Variants in JCAD observed in about 807,000 individuals in gnomAD.
JCAD encodes junctional cadherin 5-associated protein.
A neutral mutation model predicts 98.0 loss-of-function variants in JCAD; 40 were observed. The observed-to-expected ratio is 0.41, with a 90% CI of 0.32 to 0.53. The LOEUF (loss-of-function observed/expected upper bound fraction) is 0.53. Among genes scored for constraint, JCAD ranks in the 20% least tolerant of loss-of-function variants. JCAD has a pLI of 0.31. For synonymous variants in JCAD, 691 were observed against 682.3 expected, an observed-to-expected ratio of 1.01 and a Z score of -0.20; for missense variants, 1,705 against 1,738.1, an observed-to-expected ratio of 0.98 and a Z score of 0.34.
chr10:30,075,348 G>A (rs556174617), intron 1 of JCAD, among the ~76,000 whole-genome samples: 1 of 152,238 alleles, frequency 6.6e-6, no homozygotes, highest in South Asian at 2.1e-4. Context: ...CTTCCAACAT[G>A]CGTTTAGTTG....
Position 30,021,752 on chromosome 10 carries a change from A to G in JCAD, c.4046-3835T>C, listed in dbSNP as rs1355251927. 2.0e-5 allele frequency among the ~76,000 whole-genome samples: 3 copies of G among 152,194 alleles called. No homozygotes were observed. In the East Asian group the frequency reaches 5.8e-4, roughly 29 times the overall value. The stretch of plus-strand genomic sequence containing the variant: ...GTAGCTGTATGTGATGAGCGGCTAC[A>G]ATATTGGACAGCACAGGTCTAGAGG... On this transcript the variant is annotated intron_variant, in intron 3 of 3. Coordinates refer to ENST00000375377, the MANE Select transcript of JCAD (RefSeq NM_020848.4).
intron 2 of JCAD, among the ~76,000 whole-genome samples, chr10:30,034,962 C>T (rs899833210): frequency 2.6e-5 from 4 of 152,144 alleles, no homozygotes; most frequent in East Asian, 1.9e-4. Flanking sequence ...TATGAAGCAC[C>T]GTTCTCATTC....
Position 30,014,778 on chromosome 10 carries a change from C to CG in JCAD, c.*3104dup, listed in dbSNP as rs1836500904. The stretch of plus-strand genomic sequence containing the variant: ...TTAAAACGTAAACTTCCATTAACAA[C>CG]GGCCCTTCACCAACAGTAAAATGGG... On this transcript the variant is annotated 3_prime_UTR_variant, in exon 4 of 4. Coordinates refer to ENST00000375377, the MANE Select transcript of JCAD (RefSeq NM_020848.4). 1 of 152,088 alleles carries CG rather than the reference C, an allele frequency of 6.6e-6. No individual in the cohort carries two copies. Among genetic ancestry groups the CG allele is most frequent in the South Asian group, 2.1e-4 (1 of 4,828 alleles). The allele number at this position is 152,088 out of a possible 1,614,324, so 9.4% of individuals were successfully genotyped here. A position where few individuals can be genotyped will look rare whatever the true frequency, so the allele number is the denominator to read the frequency against.
intron 1 of JCAD, among the ~76,000 whole-genome samples, chr10:30,080,931 T>C (rs2505127): frequency 0.9 from 136,654 of 152,252 alleles, 61,751 homozygotes; most frequent in African/African-American, 0.98. Context: ...GAAGCCTCTT[T>C]CATGACTTGT....
At position 30,104,964 on chromosome 10, in the gene JCAD, C is replaced by T. The variant is rs368191889; in HGVS notation, n.128+10403G>A. ...TTGAATGTGCTAAGAGCTTTGCATA[C>T]ATTAGCTCACTTAATTGTCACAACA... On this transcript the variant is annotated intron_variant and non_coding_transcript_variant, in intron 1 of 2. Transcript: ENST00000465712. Among the ~76,000 whole-genome samples, 127 of 152,272 alleles carry T rather than the reference C, an allele frequency of 8.3e-4. 2 individuals carry two copies. Among genetic ancestry groups the T allele is most frequent in the African/African-American group, 2.9e-3 (119 of 41,550 alleles).
intron 1 of JCAD, among the ~76,000 whole-genome samples, chr10:30,112,487 G>T (rs917156781): frequency 7.2e-5 from 11 of 151,934 alleles, no homozygotes; most frequent in Non-Finnish European, 1.6e-4. Flanking sequence ...TGTCTCTTTA[G>T]AAAAATTAAA....
intron 1 of JCAD, among the ~76,000 whole-genome samples, chr10:30,072,025 A>G (rs1837901312): frequency 6.6e-6 from 1 of 152,184 alleles, no homozygotes; most frequent in South Asian, 2.1e-4. Flanking sequence ...GGAACACTTT[A>G]TGGTATTTCA....
chr10:30,027,828 C>T lies in JCAD; in HGVS notation c.2320G>A (p.Ala774Thr). ...FSRTSLSVDQ[A>T]PTPKAGRSQP... ...CTTCGGCCTGCTTTTGGCGTCGGTG[C>T]CTGGTCCACGGACAAGGAAGTCCTT... The change falls in exon 3 of 4, where the codon GCA becomes ACA. Residue 774 changes from alanine (A) to threonine (T), a missense_variant. Physicochemically the swap from Ala to Thr is moderately conservative, Grantham distance 58. This residue lies in a region of JCAD where 1,278 missense variants were observed against 1,243.1 expected (regional missense o/e 1.03). Transcript: ENST00000375377. The T allele has an allele frequency of 6.2e-7, 1 of 1,614,254 alleles. No homozygotes were observed. The highest frequency in any genetic ancestry group is 8.5e-7 in the Non-Finnish European group (1 of 1,180,040).
intron 1 of JCAD, among the ~76,000 whole-genome samples, chr10:30,092,123 T>TA (rs1247441993): frequency 9.0e-6 from 1 of 111,212 alleles, no homozygotes; most frequent in East Asian, 2.6e-4. Flanking sequence ...TATATATATA[T>TA]ATAAAAAACA....
At position 30,047,803 on chromosome 10, in the gene JCAD, C is replaced by A. The variant is rs1837384163; in HGVS notation, c.10G>T (p.Val4Leu). The change falls in exon 2 of 4, where the codon GTA (valine) becomes TTA (leucine). Residue 4 changes from valine (V) to leucine (L), a missense_variant. Val to Leu is a conservative substitution (Grantham distance 32). Around this residue, in one of 3 missense-constraint regions of JCAD, gnomAD observed 152 missense variants for 148.0 expected, o/e 1.03. Transcript: ENST00000375377. MYSVEDLLISHGYK... is the reference protein window; with the variant it reads MYSLEDLLISHGYK... The stretch of plus-strand genomic sequence containing the variant: ...CCATGAGAGATCAGGAGGTCTTCTA[C>A]ACTGTACATGATGCCTGGGCTTCAG... The A allele has an allele frequency of 6.2e-7, 1 of 1,611,026 alleles. No individual in the cohort carries two copies. The highest frequency in any genetic ancestry group is 2.2e-5 in the East Asian group (1 of 44,826).
At position 30,021,372 on chromosome 10, in the gene JCAD, C is replaced by T. The variant is rs533295595; in HGVS notation, c.4046-3455G>A. 9.9e-5 allele frequency among the ~76,000 whole-genome samples: 15 copies of T among 152,122 alleles called. 2 individuals are homozygous for T. In the South Asian group the frequency reaches 3.1e-3, roughly 32 times the overall value. On this transcript the variant is annotated intron_variant, in intron 3 of 3. Coordinates refer to ENST00000375377, the MANE Select transcript of JCAD (RefSeq NM_020848.4). ...CACTACCAAGCCTAATTTTGTTTTTCAGTTTTTGTAGAGATGGGGGTCTCG... is the reference window on the plus strand; with the variant it reads ...CACTACCAAGCCTAATTTTGTTTTTTAGTTTTTGTAGAGATGGGGGTCTCG...
chr10:30,112,311 A>C (rs1239879930), intron 1 of JCAD, among the ~76,000 whole-genome samples: 5 of 151,512 alleles, frequency 3.3e-5, no homozygotes, highest in African/African-American at 1.2e-4. Flanking sequence ...CTGTCTCTAC[A>C]AAAAATTTAA....
intron 2 of JCAD, among the ~76,000 whole-genome samples, chr10:30,031,746 C>G (rs1319547816): frequency 1.6e-5 from 2 of 121,820 alleles, no homozygotes; most frequent in African/African-American, 6.5e-5. Context: ...CCAGCCCCAT[C>G]TGTATTTTTT....
upstream of JCAD, among the ~76,000 whole-genome samples, chr10:30,061,632 G>A (rs1837702376): frequency 6.6e-6 from 1 of 152,222 alleles, no homozygotes; most frequent in Middle Eastern, 3.4e-3. Context: ...AACCACCAGG[G>A]AAGACTTTGA....
intron 1 of JCAD, among the ~76,000 whole-genome samples, chr10:30,083,300 C>G (rs1313362907): frequency 6.6e-6 from 1 of 152,170 alleles, no homozygotes; most frequent in Non-Finnish European, 1.5e-5. Context: ...AGAGCAGAAG[C>G]TGGAGTCAAG....
At chr10:30,038,039 C>G (rs950111913) in intron 2 of JCAD, among the ~76,000 whole-genome samples, 2 of 151,436 alleles carry the variant, frequency 1.3e-5, no homozygotes, top group African/African-American at 4.9e-5. Flanking sequence ...TAGAAATGGA[C>G]ACAAATTGCT....
At chr10:30,071,143 G>A (rs966048412) in intron 1 of JCAD, among the ~76,000 whole-genome samples, 4 of 152,136 alleles carry the variant, frequency 2.6e-5, no homozygotes, top group African/African-American at 9.7e-5. Flanking sequence ...GGCCTCAAGT[G>A]ATCCATCTGC....
intron 1 of JCAD, among the ~76,000 whole-genome samples, chr10:30,111,247 G>A (rs1008051677): frequency 7.9e-5 from 12 of 152,104 alleles, no homozygotes; most frequent in South Asian, 2.1e-4. Flanking sequence ...ACAGCCCTTC[G>A]GGACCCAGCC....
intron 1 of JCAD, among the ~76,000 whole-genome samples, chr10:30,084,082 A>G (rs948928016): frequency 9.9e-5 from 15 of 151,336 alleles, no homozygotes; most frequent in African/African-American, 3.4e-4. Context: ...AGAAAGAAAG[A>G]GTGAGAGAAA....
Sources: allele counts gnomAD v4.1 joint callset (sites outside exome capture counted in the v4.1 genomes callset), GRCh38; gene constraint gnomAD v4.1.1; regional missense constraint gnomAD v4.1.1; transcripts MANE v1.5; gene names NCBI Gene and HGNC (gene_info 2026-07-23, HGNC 2026-07-21).